The following ZNF469 variants were observed in gnomAD, a reference collection of about 807,000 sequenced individuals.
The protein encoded by ZNF469 is zinc finger protein 469.
A neutral mutation model predicts 1.0 loss-of-function variants in ZNF469; 1 was observed. The ratio of observed to expected loss-of-function variants is 1.00; its 90% CI spans 0.35 to 4.73. The LOEUF is 4.73. ZNF469 is among the 30% of genes most tolerant of loss of function. The pLI, the probability that ZNF469 is intolerant of heterozygous loss-of-function variation, is 0.16. For synonymous variants in ZNF469, 2,703 were observed against 2,363.4 expected (o/e 1.14, Z -4.17); for missense variants, 6,100 against 5,356.3 (o/e 1.14, Z -4.33).
At chr16:88,228,888 G>A in the ZNF469 span, among the ~76,000 whole-genome samples, 9 of 152,290 alleles carry the variant, frequency 5.9e-5, no homozygotes, top group Non-Finnish European at 1.0e-4. Flanking sequence ...CTGGGTGGAC[G>A]GGGTCTGGTG....
the ZNF469 span, among the ~76,000 whole-genome samples, chr16:88,247,564 G>GAGTGAC: frequency 7.7e-5 from 8 of 104,398 alleles, no homozygotes; most frequent in Admixed American, 3.9e-4. Context: ...GAGTGACTGA[G>GAGTGAC]TGAGTGACTG....
the ZNF469 span, among the ~76,000 whole-genome samples, chr16:88,338,661 A>G: frequency 6.6e-6 from 1 of 152,206 alleles, no homozygotes; most frequent in Non-Finnish European, 1.5e-5. Flanking sequence ...TGCTTTACAG[A>G]CAGGGCCTTT....
chr16:88,359,025 C>T, the ZNF469 span, among the ~76,000 whole-genome samples: 1 of 152,228 alleles, frequency 6.6e-6, no homozygotes, highest in South Asian at 2.1e-4. Context: ...CGGGGACTCC[C>T]CCTAGAAGTA....
the ZNF469 span, among the ~76,000 whole-genome samples, chr16:88,213,670 T>G: frequency 6.6e-6 from 1 of 152,198 alleles, no homozygotes; most frequent in African/African-American, 2.4e-5. Context: ...CCAAAAGGGT[T>G]GCCTTTCTGA....
chr16:88,247,160 T>G, the ZNF469 span, among the ~76,000 whole-genome samples: 2 of 149,818 alleles, frequency 1.3e-5, no homozygotes, highest in African/African-American at 4.9e-5. Context: ...AATGAGTGAA[T>G]CGTGAATGAC....
At chr16:88,331,374 A>G in the ZNF469 span, among the ~76,000 whole-genome samples, 1 of 147,540 alleles carries the variant, frequency 6.8e-6, no homozygotes, top group African/African-American at 2.5e-5. Context: ...CATCATCATC[A>G]TCATATCACC....
the ZNF469 span, among the ~76,000 whole-genome samples, chr16:88,304,325 G>C: frequency 6.6e-6 from 1 of 152,146 alleles, no homozygotes; most frequent in Admixed American, 6.5e-5. Context: ...TCGCACTGTG[G>C]GCTCCTCCCA....
At chr16:88,111,501 G>GTTATGCAT in the ZNF469 span, among the ~76,000 whole-genome samples, 3,337 of 98,614 alleles carry the variant, frequency 0.034, 115 homozygotes, top group African/African-American at 0.11. Context: ...CATTTCTTCT[G>GTTATGCAT]TCTTTTTGTA....
At chr16:88,182,047 G>T in the ZNF469 span, among the ~76,000 whole-genome samples, 2 of 152,304 alleles carry the variant, frequency 1.3e-5, no homozygotes, top group East Asian at 3.9e-4. Flanking sequence ...TGGACATAAG[G>T]TTAATGTATG....
chr16:88,290,264 A>G, the ZNF469 span, among the ~76,000 whole-genome samples: 1 of 152,224 alleles, frequency 6.6e-6, no homozygotes, highest in South Asian at 2.1e-4. Flanking sequence ...TGAAAGGCAA[A>G]ATTTCCGGTG....
the ZNF469 span, among the ~76,000 whole-genome samples, chr16:88,286,588 A>C: frequency 6.6e-6 from 1 of 152,248 alleles, no homozygotes; most frequent in African/African-American, 2.4e-5. Flanking sequence ...GGGCTTTGTC[A>C]GTGCAGGTGG....
chr16:88,126,105 C>T, the ZNF469 span, among the ~76,000 whole-genome samples: 3 of 144,296 alleles, frequency 2.1e-5, no homozygotes, highest in Non-Finnish European at 4.5e-5. Context: ...AGGAGAATTG[C>T]TTGAACCTGG....
chr16:88,211,970 C>A, the ZNF469 span, among the ~76,000 whole-genome samples: 5 of 152,178 alleles, frequency 3.3e-5, no homozygotes, highest in East Asian at 7.7e-4. Context: ...ACAATTTGTC[C>A]AGTGATTATG....
At chr16:88,253,987 G>A in the ZNF469 span, among the ~76,000 whole-genome samples, 8 of 151,424 alleles carry the variant, frequency 5.3e-5, no homozygotes, top group Non-Finnish European at 1.5e-5. Flanking sequence ...TCCTAATAGT[G>A]TTATTTAATG....
At chr16:88,202,236 G>A in the ZNF469 span, among the ~76,000 whole-genome samples, 1 of 152,184 alleles carries the variant, frequency 6.6e-6, no homozygotes. Context: ...GTCATGTGGT[G>A]GCTGCACTGT....
rs1567501858 is a variant in ZNF469, at chr16:88,401,979, CGTGGGTGGATGGGAAGATGG to C, written c.-192+18726_-192+18745del. Among the ~76,000 whole-genome samples, 28 of 95,120 alleles carry C rather than the reference CGTGGGTGGATGGGAAGATGG, an allele frequency of 2.9e-4. 1 individual carries two copies. The East Asian group carries it at 3.2e-3, about 11-fold the overall frequency. 62.4% of individuals were successfully genotyped at this position (95,120 alleles called of 152,430 possible). Reference sequence around the variant, plus strand: ...AGATGGATGGGTGGATGGATAGATACGTGGGTGGATGGGAAGATGGATGGGTGGATGGATAGATATGTGGG... The same window carrying C: ...AGATGGATGGGTGGATGGATAGATACATGGGTGGATGGATAGATATGTGGG... On this transcript the variant is annotated intron_variant, in intron 1 of 2. Coordinates refer to ENST00000565624, the MANE Select transcript of ZNF469 (RefSeq NM_001367624.2).
At position 88,427,875 on chromosome 16, in the gene ZNF469, G is replaced by C; in HGVS notation, c.405G>C (p.Glu135Asp). The C allele has an allele frequency of 6.5e-7, 1 of 1,549,686 alleles. No individual in the cohort carries two copies. The change falls in exon 3 of 3, where the codon GAG becomes GAC. Residue 135 changes from glutamate to aspartate, a missense_variant. By Grantham distance (45) the Glu-to-Asp change is conservative (BLOSUM62 2). Coordinates refer to ENST00000565624, the MANE Select transcript of ZNF469 (RefSeq NM_001367624.2). ...ASSRTKPTLD[E>D]TPENPQLEAA... ...CGAGGACCAAGCCCACCCTGGACGA[G>C]ACACCAGAGAACCCACAGCTGGAGG...
At chr16:88,243,043 C>G in the ZNF469 span, among the ~76,000 whole-genome samples, 1 of 152,214 alleles carries the variant, frequency 6.6e-6, no homozygotes, top group Non-Finnish European at 1.5e-5. Flanking sequence ...AAACTCACTG[C>G]TGGCCAGCCC....
the ZNF469 span, among the ~76,000 whole-genome samples, chr16:88,138,456 C>A: frequency 6.6e-6 from 1 of 152,230 alleles, no homozygotes; most frequent in Non-Finnish European, 1.5e-5. Context: ...TAACATAACA[C>A]ATAAACCTCC....
Sources: allele counts gnomAD v4.1 joint callset (sites outside exome capture counted in the v4.1 genomes callset), GRCh38; gene constraint gnomAD v4.1.1; transcripts MANE v1.5; gene names NCBI Gene and HGNC (gene_info 2026-07-23, HGNC 2026-07-21).